Variants in KIAA0586 observed in about 807,000 individuals in gnomAD.
The protein encoded by KIAA0586 is KIAA0586, also known as protein TALPID3.
KIAA0586 carries 144 observed loss-of-function variants against 169.8 expected under a neutral mutation model. That is an observed-to-expected ratio of 0.85 (90% confidence interval 0.74 to 0.97). The LOEUF (loss-of-function observed/expected upper bound fraction) is 0.97, where lower values mean the gene tolerates loss of function less well. Among genes scored for constraint, KIAA0586 ranks in the 50% least tolerant of loss-of-function variants. KIAA0586 has a pLI of 0.00. For missense variants in KIAA0586, 1,854 were observed against 1,823.0 expected, an observed-to-expected ratio of 1.02 and a Z score of -0.31; for synonymous variants, 625 against 612.4, an observed-to-expected ratio of 1.02 and a Z score of -0.30.
At chr14:58,470,190 ATAAT>A (rs2041100670) in intron 16 of KIAA0586, among the ~76,000 whole-genome samples, 1 of 152,142 alleles carries the variant, frequency 6.6e-6, no homozygotes, top group Non-Finnish European at 1.5e-5. Context: ...ACATAATTAA[ATAAT>A]TAAGACATGT....
chr14:58,479,696 A>G (rs1293993591), intron 20 of KIAA0586, among the ~76,000 whole-genome samples: 1 of 152,202 alleles, frequency 6.6e-6, no homozygotes, highest in African/African-American at 2.4e-5. Context: ...GTTAAGTTTT[A>G]TGGTGTGAAG....
Position 58,427,860 on chromosome 14 carries a change from G to C in KIAA0586, c.-405G>C. 7.3e-7 allele frequency: 1 copy of C among 1,378,802 alleles called. No individual in the cohort carries two copies. The allele number at this position is 1,378,802 out of a possible 1,614,324, so 85.4% of individuals were successfully genotyped here. A position where few individuals can be genotyped will look rare whatever the true frequency, so the allele number is the denominator to read the frequency against. Reference sequence around the variant, plus strand: ...AAGAAAGCTATTACGCTTCTTATGTGGGTCATTATTTTAAAAATAGCATTT... The same window carrying C: ...AAGAAAGCTATTACGCTTCTTATGTCGGTCATTATTTTAAAAATAGCATTT... On this transcript the variant is annotated 5_prime_UTR_variant, in exon 1 of 31. Coordinates refer to ENST00000652326, the MANE Select transcript of KIAA0586 (RefSeq NM_001329943.3).
downstream of KIAA0586, among the ~76,000 whole-genome samples, chr14:58,553,093 G>A (rs546072094): frequency 1.5e-4 from 23 of 152,222 alleles, no homozygotes; most frequent in South Asian, 4.4e-3. Context: ...AAGTACCACG[G>A]ACACTCGAGG....
intron 9 of KIAA0586, 136 bp downstream of exon 9, chr14:58,453,609 C>A: frequency 3.5e-6 from 2 of 566,904 alleles, no homozygotes; most frequent in Non-Finnish European, 3.0e-6. Flanking sequence ...TTTTTTGATG[C>A]TAATATATCT....
chr14:58,495,449 G>A (rs1345367663), intron 26 of KIAA0586, among the ~76,000 whole-genome samples: 1 of 151,890 alleles, frequency 6.6e-6, no homozygotes, highest in Non-Finnish European at 1.5e-5. Flanking sequence ...CTATAGGCGT[G>A]TACCATACCT....
rs529378179 is a variant in KIAA0586, at chr14:58,459,976, CAAGAAAACATTCTCAAAAGCAAA to C, written c.1791_1813del (p.Lys599ArgfsTer4). 6.5e-7 allele frequency: 1 copy of C among 1,534,126 alleles called. No homozygotes were observed. The highest frequency in any genetic ancestry group is 8.7e-7 in the Non-Finnish European group (1 of 1,145,610). Reference sequence around the variant, plus strand: ...AAAACTGTCAACAAATCTGTAATTCCAAGAAAACATTCTCAAAAGCAAATAGAAGAGCATTTTAGAAATCTACC... The same window carrying C: ...AAAACTGTCAACAAATCTGTAATTCCTAGAAGAGCATTTTAGAAATCTACC... On this transcript the variant is annotated frameshift_variant, in exon 13 of 31. Coordinates refer to ENST00000652326, the MANE Select transcript of KIAA0586 (RefSeq NM_001329943.3). LOFTEE classifies it high-confidence loss of function.
At chr14:58,490,058 C>T in intron 24 of KIAA0586, 106 bp from the exon 25 acceptor site, 2 of 567,280 alleles carry the variant, frequency 3.5e-6, no homozygotes, top group East Asian at 6.9e-5. Flanking sequence ...CCAGTATTTC[C>T]ATTGCAGTAT....
intron 15 of KIAA0586, 117 bp from the exon 16 acceptor site, chr14:58,467,618 T>G: frequency 1.4e-6 from 1 of 723,264 alleles, no homozygotes; most frequent in East Asian, 2.5e-5. Flanking sequence ...GGAGGGGTGA[T>G]TGTCAGATAG....
rs979563249 is a variant in KIAA0586 at position 58,489,461 on chromosome 14, C to G, written c.3781+587C>G. 1.3e-4 allele frequency among the ~76,000 whole-genome samples: 20 copies of G among 152,088 alleles called. 1 individual carries two copies. Among genetic ancestry groups the G allele is most frequent in the Admixed American group, 1.2e-3 (18 of 15,262 alleles). On this transcript the variant is annotated intron_variant, in intron 24 of 30. Transcript: ENST00000652326. ...TCTCAGACTTCTGAGCTCAAGTGAT[C>G]CACCCGTCTTGGCCTCCCAAAGGGC...
intron 19 of KIAA0586, among the ~76,000 whole-genome samples, chr14:58,476,668 CTT>C (rs10666323): frequency 1.5e-5 from 2 of 131,630 alleles, no homozygotes. Context: ...TTCAGAGGTA[CTT>C]TTTTTTTTTT....
At chr14:58,460,845 A>G (rs1021155918) in intron 13 of KIAA0586, 141 bp from the exon 14 acceptor site, 2 of 481,522 alleles carry the variant, frequency 4.2e-6, no homozygotes, top group Admixed American at 8.6e-5. Context: ...TCTAGAATTT[A>G]AGGGCTGTTG....
intron 4 of KIAA0586, among the ~76,000 whole-genome samples, chr14:58,436,590 G>A (rs2037838994): frequency 2.0e-5 from 3 of 151,960 alleles, no homozygotes; most frequent in Admixed American, 2.0e-4. Context: ...GATGTAAATT[G>A]GAAATGTAAT....
intron 27 of KIAA0586, among the ~76,000 whole-genome samples, chr14:58,500,721 C>CAA (rs34668365): frequency 0.019 from 2,487 of 129,522 alleles, 76 homozygotes; most frequent in African/African-American, 0.066. Flanking sequence ...GTCTCTGCCT[C>CAA]AAAAAAAAAA....
At chr14:58,431,525 C>T (rs759215095) in intron 3 of KIAA0586, among the ~76,000 whole-genome samples, 8 of 152,164 alleles carry the variant, frequency 5.3e-5, no homozygotes, top group Non-Finnish European at 8.8e-5. Flanking sequence ...CCTCAGCCTC[C>T]TAAAGTGTTG....
intron 28 of KIAA0586, among the ~76,000 whole-genome samples, chr14:58,511,138 T>C (rs2141462088): frequency 6.6e-6 from 1 of 152,342 alleles, no homozygotes; most frequent in East Asian, 1.9e-4. Flanking sequence ...CTGTTACATG[T>C]ATCTCAATAA....
chr14:58,458,064 C>T (rs1165660310), intron 11 of KIAA0586, 85 bp downstream of exon 11: 1 of 852,558 alleles, frequency 1.2e-6, no homozygotes, highest in Non-Finnish European at 1.8e-6. Flanking sequence ...CTGTATTTTC[C>T]TATTAGTTTT....
intron 16 of KIAA0586, among the ~76,000 whole-genome samples, chr14:58,468,571 G>A (rs1595235513): frequency 6.6e-6 from 1 of 152,328 alleles, no homozygotes; most frequent in East Asian, 1.9e-4. Flanking sequence ...TAGAAGACTT[G>A]AATGAATACA....
Position 58,483,961 on chromosome 14 carries a change from A to G in KIAA0586, c.3144+1249A>G, listed in dbSNP as rs189677726. Among the ~76,000 whole-genome samples, 16 of 152,304 alleles carry G rather than the reference A, an allele frequency of 1.1e-4. No homozygotes were observed. The South Asian group carries it at 1.2e-3, about 12-fold the overall frequency. On this transcript the variant is annotated intron_variant, in intron 21 of 30. Coordinates refer to ENST00000652326, the MANE Select transcript of KIAA0586 (RefSeq NM_001329943.3). ...GTTTTGATCTGTGCTTTATTAGCTCATTGGGAATATATGCAGTACAGATGT... is the reference window on the plus strand; with the variant it reads ...GTTTTGATCTGTGCTTTATTAGCTCGTTGGGAATATATGCAGTACAGATGT...
intron 7 of KIAA0586, among the ~76,000 whole-genome samples, chr14:58,449,716 G>A (rs2039194434): frequency 6.6e-6 from 1 of 152,132 alleles, no homozygotes; most frequent in African/African-American, 2.4e-5. Flanking sequence ...CCAGCTGAGT[G>A]CCTTCTATAG....
Sources: gnomAD v4.1 joint callset for allele counts (sites outside exome capture counted in the v4.1 genomes callset) on GRCh38, gnomAD v4.1.1 for gene constraint, MANE v1.5 for transcripts, NCBI Gene and HGNC (gene_info 2026-07-23, HGNC 2026-07-21) for gene names.